FSHR: variants seen among roughly 807,000 people sequenced by gnomAD.
The protein encoded by FSHR is follicle stimulating hormone receptor.
In FSHR, 46 loss-of-function variants were observed where a neutral mutation model predicts 52.1. That is an observed-to-expected ratio of 0.88 (90% confidence interval 0.70 to 1.13). FSHR has a LOEUF of 1.13. Among genes scored for constraint, FSHR ranks in the 50% most tolerant of loss-of-function variants. The probability of loss-of-function intolerance (pLI) is 0.00; values close to 1 mark genes in which losing one functional copy is unlikely to be tolerated. For missense variants in FSHR, 964 were observed against 834.6 expected (o/e 1.16, Z -1.91); for synonymous variants, 399 against 309.6 (o/e 1.29, Z -3.03).
Position 49,137,837 on chromosome 2 carries a change from T to G in FSHR, c.152+16429A>C, listed in dbSNP as rs1170846145. 3.3e-5 allele frequency among the ~76,000 whole-genome samples: 5 copies of G among 152,174 alleles called. No individual in the cohort carries two copies. In the East Asian group the frequency reaches 9.6e-4, roughly 29 times the overall value. ...AAAACCCACAGGTAAGAGCTAAAAT[T>G]ATAAAACTCTCAGAAGAATGCATAA... On this transcript the variant is annotated intron_variant, in intron 1 of 9. Coordinates refer to ENST00000406846, the MANE Select transcript of FSHR (RefSeq NM_000145.4).
Position 48,963,541 on chromosome 2 carries a change from C to A in FSHR, c.1280G>T (p.Ser427Ile). Residue 427 changes from serine (S) to isoleucine (I), a missense_variant, in exon 10 of 10, where the codon AGC becomes ATC. Ser to Ile is a moderately radical substitution (Grantham distance 142). Transcript: ENST00000406846. ...LIASVDIHTK[S>I]QYHNYAIDWQ... ...GTCAATGGCATAGTTGTGATATTGG[C>A]TCTTGGTATGGATATCAACTGATGC... 2 of 1,614,166 alleles carry A rather than the reference C, an allele frequency of 1.2e-6. No individual in the cohort carries two copies. Among genetic ancestry groups the A allele is most frequent in the South Asian group, 1.1e-5 (1 of 91,086 alleles).
chr2:49,102,280 G>C (rs1013030183), intron 1 of FSHR, among the ~76,000 whole-genome samples: 1 of 152,020 alleles, frequency 6.6e-6, no homozygotes, highest in African/African-American at 2.4e-5. Flanking sequence ...TCCTCCTTTG[G>C]GACTTTGCTG....
intron 9 of FSHR, among the ~76,000 whole-genome samples, chr2:48,965,650 C>CT (rs1674442791): frequency 6.6e-6 from 1 of 152,204 alleles, no homozygotes; most frequent in African/African-American, 2.4e-5. Context: ...GGACTGAGCT[C>CT]TGACTTAACT....
chr2:49,043,764 T>G (rs527505421), intron 2 of FSHR, among the ~76,000 whole-genome samples: 1 of 152,306 alleles, frequency 6.6e-6, no homozygotes, highest in East Asian at 1.9e-4. Flanking sequence ...GGGAGCCCAC[T>G]GTGCATAATG....
At chr2:49,077,827 A>T (rs998938275) in intron 1 of FSHR, among the ~76,000 whole-genome samples, 9 of 152,174 alleles carry the variant, frequency 5.9e-5, no homozygotes, top group Admixed American at 1.3e-4. Context: ...AAAACATAAC[A>T]ATAGTCACCT....
At chr2:49,021,556 AAAG>A (rs1378366965) in intron 2 of FSHR, among the ~76,000 whole-genome samples, 3 of 134,664 alleles carry the variant, frequency 2.2e-5, no homozygotes, top group African/African-American at 7.6e-5. Flanking sequence ...GGGAGGGAAA[AAAG>A]AAGGCCCCTG....
intron 4 of FSHR, chr2:49,014,712 A>C: frequency 4.4e-6 from 1 of 225,488 alleles, no homozygotes; most frequent in South Asian, 5.1e-5. Flanking sequence ...TCCAATCCGC[A>C]TTTTCAGATA....
intron 1 of FSHR, among the ~76,000 whole-genome samples, chr2:49,130,719 A>G (rs540991149): frequency 4.7e-4 from 71 of 152,310 alleles, no homozygotes; most frequent in African/African-American, 1.7e-3. Context: ...CTCCTCCTTT[A>G]AACAATCTTT....
intron 8 of FSHR, among the ~76,000 whole-genome samples, chr2:48,978,103 A>C (rs1425266141): frequency 2.0e-5 from 3 of 152,196 alleles, no homozygotes; most frequent in African/African-American, 4.8e-5. Context: ...CCACATTGTT[A>C]GTACTCTTCA....
At chr2:49,003,618 T>C (rs1017463378) in intron 4 of FSHR, among the ~76,000 whole-genome samples, 6 of 151,598 alleles carry the variant, frequency 4.0e-5, no homozygotes, top group African/African-American at 1.2e-4. Context: ...AACAAATAGA[T>C]GGAAGCAGGG....
intron 1 of FSHR, among the ~76,000 whole-genome samples, chr2:49,110,604 T>G (rs989229686): frequency 6.6e-6 from 1 of 152,186 alleles, no homozygotes; most frequent in Non-Finnish European, 1.5e-5. Flanking sequence ...TCAAGGATCC[T>G]ATTTCTTCTG....
At chr2:49,089,313 A>C (rs554145724) in intron 1 of FSHR, among the ~76,000 whole-genome samples, 1 of 152,288 alleles carries the variant, frequency 6.6e-6, no homozygotes, top group African/African-American at 2.4e-5. Context: ...TATGAACCAG[A>C]GATTTTTACC....
intron 4 of FSHR, among the ~76,000 whole-genome samples, chr2:48,996,609 A>G (rs1676033436): frequency 6.6e-6 from 1 of 152,132 alleles, no homozygotes; most frequent in Non-Finnish European, 1.5e-5. Context: ...TGACATCACC[A>G]AGAAAAAGCA....
chr2:49,116,641 C>A (rs1328277014), intron 1 of FSHR, among the ~76,000 whole-genome samples: 1 of 152,108 alleles, frequency 6.6e-6, no homozygotes. Flanking sequence ...TGTTTCTTAA[C>A]CTCCATGTAT....
intron 9 of FSHR, among the ~76,000 whole-genome samples, chr2:48,966,463 A>T (rs1379060106): frequency 1.3e-5 from 2 of 152,232 alleles, no homozygotes; most frequent in East Asian, 3.8e-4. Flanking sequence ...ACAAATGAAG[A>T]CTGTAGTTGA....
intron 1 of FSHR, among the ~76,000 whole-genome samples, chr2:49,069,426 C>A (rs1353890204): frequency 3.3e-5 from 5 of 152,106 alleles, no homozygotes; most frequent in Non-Finnish European, 5.9e-5. Context: ...ATGATAATCT[C>A]CCAAACTTGG....
chr2:49,114,856 T>A (rs535105315), intron 1 of FSHR, among the ~76,000 whole-genome samples: 1 of 152,166 alleles, frequency 6.6e-6, no homozygotes, highest in Admixed American at 6.5e-5. Context: ...ACAATGATCA[T>A]ACAACCTTTG....
intron 1 of FSHR, among the ~76,000 whole-genome samples, chr2:49,072,434 T>A (rs1379761483): frequency 6.6e-6 from 1 of 152,024 alleles, no homozygotes; most frequent in African/African-American, 2.4e-5. Flanking sequence ...AAACAAAAAA[T>A]TAGATTAAAA....
intron 1 of FSHR, among the ~76,000 whole-genome samples, chr2:49,137,245 A>T (rs1672518742): frequency 6.6e-6 from 1 of 152,126 alleles, no homozygotes; most frequent in South Asian, 2.1e-4. Context: ...GAAAAATTTC[A>T]TTCATGATAG....
Sources: allele counts gnomAD v4.1 joint callset (sites outside exome capture counted in the v4.1 genomes callset), GRCh38; gene constraint gnomAD v4.1.1; transcripts MANE v1.5; gene names NCBI Gene and HGNC (gene_info 2026-07-23, HGNC 2026-07-21).